IL15: variants seen among roughly 807,000 people sequenced by gnomAD.
IL15 encodes the protein interleukin-15.
A neutral mutation model predicts 19.6 loss-of-function variants in IL15; 11 were observed. The ratio of observed to expected loss-of-function variants is 0.56; its 90% CI spans 0.35 to 0.93. The LOEUF (loss-of-function observed/expected upper bound fraction) is 0.93. Ranked by LOEUF, IL15 falls within the 40% of genes least tolerant of loss-of-function variation. The probability of loss-of-function intolerance (pLI) is 0.01; values close to 1 mark genes in which losing one functional copy is unlikely to be tolerated. For missense variants in IL15, 197 were observed against 186.5 expected (o/e 1.06, Z -0.33); for synonymous variants, 58 against 59.6 (o/e 0.97, Z 0.12).
intron 2 of IL15, among the ~76,000 whole-genome samples, chr4:141,663,332 C>T (rs1578999340): frequency 6.6e-6 from 1 of 152,310 alleles, no homozygotes; most frequent in East Asian, 1.9e-4. Context: ...TTATAAAGGT[C>T]ACAGCCTACA....
Position 141,732,963 on chromosome 4 carries a change from A to G in IL15, c.*115A>G, listed in dbSNP as rs1730501670. The G allele has an allele frequency of 2.1e-6, 3 of 1,450,628 alleles. No individual in the cohort carries two copies. The highest frequency in any genetic ancestry group is 2.7e-6 in the Non-Finnish European group (3 of 1,101,200). 89.9% of individuals were successfully genotyped at this position (1,450,628 alleles called of 1,614,324 possible). A position where few individuals can be genotyped will look rare whatever the true frequency, so the allele number is the denominator to read the frequency against. ...GCTGTCAAAACAAGTTTTTCTGTCA[A>G]GAAGATGATCAGACCTTGGATCAGA... On this transcript the variant is annotated 3_prime_UTR_variant, in exon 8 of 8. Transcript: ENST00000320650.
At chr4:141,647,978 G>A (rs953108901) in intron 1 of IL15, among the ~76,000 whole-genome samples, 2 of 152,066 alleles carry the variant, frequency 1.3e-5, no homozygotes, top group African/African-American at 4.8e-5. Context: ...TGAAGTTTGA[G>A]AAACACTGCA....
rs190059240 is a variant in IL15 at position 141,733,191 on chromosome 4, A to G, written c.*343A>G. 1.3e-3 allele frequency: 268 copies of G among 206,742 alleles called. 1 individual carries two copies. The highest frequency in any genetic ancestry group is 1.0e-3 in the Non-Finnish European group (107 of 105,474). The allele number at this position is 206,742 out of a possible 1,614,324, so 12.8% of individuals were successfully genotyped here. A position where few individuals can be genotyped will look rare whatever the true frequency, so the allele number is the denominator to read the frequency against. On this transcript the variant is annotated 3_prime_UTR_variant, in exon 8 of 8. Coordinates refer to ENST00000320650, the MANE Select transcript of IL15 (RefSeq NM_000585.5). ...ATTTTACCTCTTATTGCAAAATAGCATTTGTTTAAGGGTGATAGTCAAATT... is the reference window on the plus strand; with the variant it reads ...ATTTTACCTCTTATTGCAAAATAGCGTTTGTTTAAGGGTGATAGTCAAATT...
chr4:141,690,301 C>T (rs1310645849), intron 2 of IL15, among the ~76,000 whole-genome samples: 2 of 152,218 alleles, frequency 1.3e-5, no homozygotes, highest in Admixed American at 6.5e-5. Flanking sequence ...CAGAAAGGGG[C>T]TCCCACAGTG....
chr4:141,637,295 G>C (rs1397982352), intron 1 of IL15: 1 of 152,198 alleles, frequency 6.6e-6, no homozygotes, highest in African/African-American at 2.4e-5. Flanking sequence ...ATGTCTGTGC[G>C]TGCGCGTCTA....
chr4:141,721,320 A>G, intron 4 of IL15: 2 of 634,978 alleles, frequency 3.1e-6, no homozygotes, highest in South Asian at 3.6e-5. Flanking sequence ...TTGTCTGGAT[A>G]TTAAATTTTA....
intron 2 of IL15, among the ~76,000 whole-genome samples, chr4:141,706,502 C>G (rs1729520774): frequency 1.3e-5 from 2 of 151,996 alleles, no homozygotes; most frequent in Non-Finnish European, 2.9e-5. Flanking sequence ...ATGAATTTAC[C>G]TATACTGGTG....
chr4:141,660,730 A>G (rs893083255), intron 2 of IL15, among the ~76,000 whole-genome samples: 2 of 152,224 alleles, frequency 1.3e-5, no homozygotes, highest in Non-Finnish European at 2.9e-5. Context: ...GTTCCAACCC[A>G]TCATTCCTTT....
chr4:141,689,918 A>C (rs1728850914), intron 2 of IL15, among the ~76,000 whole-genome samples: 1 of 152,180 alleles, frequency 6.6e-6, no homozygotes. Flanking sequence ...GGCGGTGCTC[A>C]TCGGGGAGGC....
chr4:141,715,230 A>C (rs1373487291), intron 2 of IL15: 2 of 152,426 alleles, frequency 1.3e-5, no homozygotes, highest in African/African-American at 4.8e-5. Flanking sequence ...TGCTACCCCA[A>C]GCAGATTCAG....
intron 2 of IL15, among the ~76,000 whole-genome samples, chr4:141,674,087 A>C (rs1486473497): frequency 1.3e-5 from 2 of 152,232 alleles, no homozygotes; most frequent in Non-Finnish European, 2.9e-5. Flanking sequence ...ATAATGAACC[A>C]CAGCCTAGAG....
chr4:141,669,076 A>C (rs886175313), intron 2 of IL15, among the ~76,000 whole-genome samples: 5 of 152,232 alleles, frequency 3.3e-5, no homozygotes, highest in African/African-American at 1.2e-4. Context: ...TTATGATGAT[A>C]ATTTAAATGT....
intron 2 of IL15, among the ~76,000 whole-genome samples, chr4:141,664,342 A>AACACACACACAAACAC (rs1727893551): frequency 7.6e-6 from 1 of 130,950 alleles, no homozygotes; most frequent in Admixed American, 7.9e-5. Flanking sequence ...TGGTGGGCAA[A>AACACACACACAAACAC]ACACACACAC....
intron 1 of IL15, among the ~76,000 whole-genome samples, chr4:141,655,635 G>A (rs1214866720): frequency 6.6e-6 from 1 of 152,024 alleles, no homozygotes; most frequent in African/African-American, 2.4e-5. Context: ...CTGTTTTTAG[G>A]TTTTCTAATT....
At chr4:141,696,167 T>C (rs1283202960) in intron 2 of IL15, among the ~76,000 whole-genome samples, 2 of 152,164 alleles carry the variant, frequency 1.3e-5, no homozygotes, top group Non-Finnish European at 2.9e-5. Flanking sequence ...TGATGCAATT[T>C]TCCAGCACCA....
At chr4:141,671,688 C>A (rs937761995) in intron 2 of IL15, among the ~76,000 whole-genome samples, 1 of 152,180 alleles carries the variant, frequency 6.6e-6, no homozygotes, top group Non-Finnish European at 1.5e-5. Context: ...AAAGATGTAA[C>A]AACAGAATGG....
At chr4:141,698,568 G>T (rs1305684753) in intron 2 of IL15, among the ~76,000 whole-genome samples, 1 of 151,898 alleles carries the variant, frequency 6.6e-6, no homozygotes, top group Non-Finnish European at 1.5e-5. Flanking sequence ...ATCTAGGAGG[G>T]TTGTATATTT....
chr4:141,643,511 G>T lies in IL15; in HGVS notation c.-222+6763G>T, dbSNP rs530400609. Among the ~76,000 whole-genome samples, 70 of 152,134 alleles carry T rather than the reference G, an allele frequency of 4.6e-4. No individual in the cohort carries two copies. The South Asian group carries it at 0.014, about 30-fold the overall frequency. On this transcript the variant is annotated intron_variant, in intron 1 of 7. Coordinates refer to ENST00000320650, the MANE Select transcript of IL15 (RefSeq NM_000585.5). ...TATTAAATCCAGTAGTTAGTTATTG[G>T]GTCCCTTCCTATGTACCCTTTCAGC...
At chr4:141,721,127 GT>G in intron 4 of IL15, 1 of 1,523,554 alleles carries the variant, frequency 6.6e-7, no homozygotes, top group Non-Finnish European at 8.9e-7. Context: ...TCTCAGTTCA[GT>G]TTTACTCTAC....
Sources: gnomAD v4.1 joint callset for allele counts (sites outside exome capture counted in the v4.1 genomes callset) on GRCh38, gnomAD v4.1.1 for gene constraint, MANE v1.5 for transcripts, NCBI Gene and HGNC (gene_info 2026-07-23, HGNC 2026-07-21) for gene names.